ULK4: variants seen among roughly 807,000 people sequenced by gnomAD.
ULK4 encodes unc-51 like kinase 4.
ULK4 carries 133 observed loss-of-function variants against 160.6 expected under a neutral mutation model. The observed-to-expected ratio is 0.83, with a 90% CI of 0.72 to 0.96. ULK4 has a LOEUF of 0.96. Ranked by LOEUF, ULK4 falls within the 40% of genes least tolerant of loss-of-function variation. ULK4 has a pLI of 0.00. For synonymous variants in ULK4, 534 were observed against 539.8 expected (o/e 0.99, Z 0.15); for missense variants, 1,580 against 1,499.5 (o/e 1.05, Z -0.89).
intron 18 of ULK4, among the ~76,000 whole-genome samples, chr3:41,830,030 G>A (rs1054461926): frequency 4.6e-5 from 7 of 151,678 alleles, no homozygotes; most frequent in Non-Finnish European, 7.4e-5. Context: ...ATCATTCTAA[G>A]CAAACTATCG....
intron 35 of ULK4, among the ~76,000 whole-genome samples, chr3:41,338,769 CAT>C (rs895026254): frequency 6.6e-4 from 98 of 147,826 alleles, no homozygotes; most frequent in Middle Eastern, 3.5e-3. Flanking sequence ...ATATATATGA[CAT>C]ATATATATAT....
chr3:41,555,410 A>C (rs769424781), intron 32 of ULK4, among the ~76,000 whole-genome samples: 11 of 152,184 alleles, frequency 7.2e-5, no homozygotes, highest in Non-Finnish European at 1.3e-4. Flanking sequence ...TGAAACCAAC[A>C]AACATGAAAA....
chr3:41,844,700 T>C (rs994920224), intron 17 of ULK4, among the ~76,000 whole-genome samples: 20 of 150,440 alleles, frequency 1.3e-4, no homozygotes, highest in African/African-American at 4.7e-4. Context: ...GCGAGGGCTG[T>C]GAGGGCTGCC....
intron 34 of ULK4, among the ~76,000 whole-genome samples, chr3:41,441,893 G>A: frequency 6.6e-6 from 1 of 152,096 alleles, no homozygotes; most frequent in Non-Finnish European, 1.5e-5. Flanking sequence ...CTATTTGATT[G>A]ACTATCGTAT....
chr3:41,894,858 T>C (rs550627173), intron 16 of ULK4, among the ~76,000 whole-genome samples: 46 of 152,306 alleles, frequency 3.0e-4, no homozygotes, highest in African/African-American at 1.1e-3. Context: ...CCAAGTCTTA[T>C]TGGCAAACAG....
intron 22 of ULK4, among the ~76,000 whole-genome samples, chr3:41,741,275 T>C (rs1483295598): frequency 1.3e-5 from 2 of 151,962 alleles, no homozygotes; most frequent in East Asian, 1.9e-4. Flanking sequence ...TTCTTCCATA[T>C]GCATTTTTTA....
intron 31 of ULK4, among the ~76,000 whole-genome samples, chr3:41,579,486 T>A (rs1404938591): frequency 1.1e-3 from 1 of 922 alleles, no homozygotes; most frequent in East Asian, 0.026. Flanking sequence ...GGAACTAATA[T>A]TTTTTTTTTT....
intron 35 of ULK4, among the ~76,000 whole-genome samples, chr3:41,357,391 A>G (rs1180426752): frequency 6.6e-6 from 1 of 152,146 alleles, no homozygotes; most frequent in Non-Finnish European, 1.5e-5. Flanking sequence ...GGATGTGTTC[A>G]TGGCGTGTGG....
At chr3:41,792,400 C>A (rs978160456) in intron 20 of ULK4, among the ~76,000 whole-genome samples, 4 of 151,840 alleles carry the variant, frequency 2.6e-5, no homozygotes, top group African/African-American at 9.7e-5. Context: ...TTTTCCTAAT[C>A]CAAGTATTTT....
At chr3:41,943,991 G>A (rs545022867) in intron 2 of ULK4, among the ~76,000 whole-genome samples, 19 of 152,274 alleles carry the variant, frequency 1.2e-4, no homozygotes, top group Non-Finnish European at 2.8e-4. Flanking sequence ...CCTTGTGCCT[G>A]TCCAGAAAAA....
At chr3:41,282,046 T>C (rs1413267095) in intron 35 of ULK4, among the ~76,000 whole-genome samples, 2 of 152,154 alleles carry the variant, frequency 1.3e-5, no homozygotes, top group Non-Finnish European at 2.9e-5. Flanking sequence ...GAACTCCCAT[T>C]CACAATTGCT....
intron 25 of ULK4, among the ~76,000 whole-genome samples, chr3:41,713,046 C>T (rs1470828288): frequency 2.0e-5 from 3 of 151,140 alleles, no homozygotes; most frequent in Admixed American, 6.6e-5. Flanking sequence ...GGCTACAGAA[C>T]GTTCATAACT....
chr3:41,785,654 C>A (rs1336468221), intron 21 of ULK4, among the ~76,000 whole-genome samples: 3 of 152,178 alleles, frequency 2.0e-5, no homozygotes, highest in Non-Finnish European at 4.4e-5. Context: ...TGGGTCTCTT[C>A]CTCTTCCACT....
intron 31 of ULK4, among the ~76,000 whole-genome samples, chr3:41,590,593 G>A (rs149110751): frequency 1.3e-4 from 19 of 150,984 alleles, no homozygotes; most frequent in African/African-American, 3.4e-4. Flanking sequence ...CCAAGATCAC[G>A]CCACTGCACT....
At chr3:41,571,203 C>A (rs1372921067) in intron 31 of ULK4, among the ~76,000 whole-genome samples, 10 of 152,116 alleles carry the variant, frequency 6.6e-5, no homozygotes, top group Admixed American at 6.5e-4. Context: ...GGTATATATG[C>A]CTTCTTGCAT....
At chr3:41,702,603 T>A (rs2036714703) in intron 27 of ULK4, among the ~76,000 whole-genome samples, 1 of 151,618 alleles carries the variant, frequency 6.6e-6, no homozygotes. Flanking sequence ...CAAAGGAGGG[T>A]AAGGCAAAAA....
chr3:41,690,706 A>C (rs1559487725), intron 27 of ULK4, among the ~76,000 whole-genome samples: 1 of 151,668 alleles, frequency 6.6e-6, no homozygotes, highest in East Asian at 1.9e-4. Flanking sequence ...CCCCAGTCCT[A>C]CCTACAAAAG....
intron 32 of ULK4, among the ~76,000 whole-genome samples, chr3:41,550,078 G>A (rs998061301): frequency 6.6e-6 from 1 of 152,006 alleles, no homozygotes; most frequent in South Asian, 2.1e-4. Flanking sequence ...CTACATATGA[G>A]AGGGAAAGGA....
chr3:41,598,502 C>G (rs77489850), intron 31 of ULK4, among the ~76,000 whole-genome samples: 2 of 152,094 alleles, frequency 1.3e-5, no homozygotes, highest in African/African-American at 2.4e-5. Context: ...ATTTTTACAA[C>G]GAAACCTAGA....
Sources: allele counts gnomAD v4.1 joint callset (sites outside exome capture counted in the v4.1 genomes callset), GRCh38; gene constraint gnomAD v4.1.1; transcripts MANE v1.5; gene names NCBI Gene and HGNC (gene_info 2026-07-23, HGNC 2026-07-21).